Variants in KCNK12 observed in about 807,000 individuals in gnomAD.
KCNK12 encodes the protein potassium channel subfamily K member 12.
Under a neutral mutation model 25.3 loss-of-function variants are expected in KCNK12, and 6 were observed. The observed-to-expected ratio is 0.24, with a 90% CI of 0.13 to 0.47. The LOEUF (loss-of-function observed/expected upper bound fraction) is 0.47, where lower values mean the gene tolerates loss of function less well. KCNK12 is among the 20% of genes least tolerant of loss of function. The probability of loss-of-function intolerance (pLI) is 0.99; values close to 1 mark genes in which losing one functional copy is unlikely to be tolerated. For synonymous variants in KCNK12, 331 were observed against 311.1 expected, an observed-to-expected ratio of 1.06 and a Z score of -0.67; for missense variants, 444 against 661.7, an observed-to-expected ratio of 0.67 and a Z score of 3.61.
At position 47,548,965 on chromosome 2, in the gene KCNK12, G is replaced by C. The variant is rs933292173; in HGVS notation, c.391+20976C>G. ...GAGAGGAAGGAACCATCAAGAAAAAGGACTCCAGAAATCTACTAGGGGTCC... is the reference window on the plus strand; with the variant it reads ...GAGAGGAAGGAACCATCAAGAAAAACGACTCCAGAAATCTACTAGGGGTCC... On this transcript the variant is annotated intron_variant, in intron 1 of 1. Transcript: ENST00000327876. This position sits in a 1 kb window ranked among gnomAD's most constrained non-coding sequence, Gnocchi z 4.4. Among the ~76,000 whole-genome samples, 3 of 152,154 alleles carry C rather than the reference G, an allele frequency of 2.0e-5. No homozygotes were observed. Among genetic ancestry groups the C allele is most frequent in the Non-Finnish European group, 4.4e-5 (3 of 68,030 alleles).
chr2:47,536,701 A>G (rs1669076056), intron 1 of KCNK12, among the ~76,000 whole-genome samples: 1 of 152,220 alleles, frequency 6.6e-6, no homozygotes, highest in African/African-American at 2.4e-5. Flanking sequence ...GTCAGAGGGT[A>G]TCAAAGAGGG....
chr2:47,550,312 G>C (rs548802326), intron 1 of KCNK12, among the ~76,000 whole-genome samples: 1 of 147,962 alleles, frequency 6.8e-6, no homozygotes, highest in Admixed American at 6.7e-5. Context: ...GGAATGAAGA[G>C]AAATCTTAAC....
rs2104901404 is a variant in KCNK12 at position 47,566,266 on chromosome 2, C to T, written c.391+3675G>A. ...TGTTCAAACCAAATATCAGGACAAA[C>T]ATTCTACTTCATTGTGGTGTTCCAT... On this transcript the variant is annotated intron_variant, in intron 1 of 1. Transcript: ENST00000327876. This position sits in a 1 kb window ranked among gnomAD's most constrained non-coding sequence, Gnocchi z 4.1. The T allele has an allele frequency of 6.6e-6, 1 of 152,292 alleles. No individual in the cohort carries two copies. The allele number at this position is 152,292 out of a possible 1,614,324, so 9.4% of individuals were successfully genotyped here. A position where few individuals can be genotyped will look rare whatever the true frequency, so the allele number is the denominator to read the frequency against.
At position 47,525,223 on chromosome 2, in the gene KCNK12, G is replaced by A. The variant is rs900981458; in HGVS notation, c.392-3415C>T. Among the ~76,000 whole-genome samples, 3 of 152,234 alleles carry A rather than the reference G, an allele frequency of 2.0e-5. No individual in the cohort carries two copies. The highest frequency in any genetic ancestry group is 7.2e-5 in the African/African-American group (3 of 41,464). On this transcript the variant is annotated intron_variant, in intron 1 of 1. Coordinates refer to ENST00000327876, the MANE Select transcript of KCNK12 (RefSeq NM_022055.2). This position sits in a 1 kb window ranked among gnomAD's most constrained non-coding sequence, Gnocchi z 4.1. ...CACCTCCAGGCTGTACGGAAAGGCT[G>A]GGGATTGATGGGATCTTCCATCAGT...
At chr2:47,542,284 G>A (rs562670539) in intron 1 of KCNK12, among the ~76,000 whole-genome samples, 3 of 152,250 alleles carry the variant, frequency 2.0e-5, no homozygotes, top group South Asian at 2.1e-4. Flanking sequence ...ATGCTCAGAC[G>A]CAGGGACCGA....
In KCNK12 at chr2:47,514,251, C is replaced by T. The variant is rs1011687305; in HGVS notation, c.*6656G>A. ...TGAGAGCCTTCTCTGCCTACCCAGGCTGGGTGGCTGCCTCTCTTTGGTGTG... is the reference window on the plus strand; with the variant it reads ...TGAGAGCCTTCTCTGCCTACCCAGGTTGGGTGGCTGCCTCTCTTTGGTGTG... On this transcript the variant is annotated 3_prime_UTR_variant, in exon 2 of 2. Transcript: ENST00000327876. This position sits in a 1 kb window ranked among gnomAD's most constrained non-coding sequence, Gnocchi z 5.0. 6.6e-6 allele frequency among the ~76,000 whole-genome samples: 1 copy of T among 152,252 alleles called. No individual in the cohort carries two copies. The highest frequency in any genetic ancestry group is 1.5e-5 in the Non-Finnish European group (1 of 68,054).
Position 47,570,353 on chromosome 2 carries a change from GC to G in KCNK12, c.-23del. ...ACATGGTCCGGAGCTCAGCCCCGGGGCCGGGGCGGCGCTCGGGGCCCGGGCC... is the reference window on the plus strand; with the variant it reads ...ACATGGTCCGGAGCTCAGCCCCGGGGCGGGGCGGCGCTCGGGGCCCGGGCC... On this transcript the variant is annotated 5_prime_UTR_variant, in exon 1 of 2. The change abolishes the stop of an existing upstream ORF in the 5' untranslated region. Transcript: ENST00000327876. 1 of 1,227,220 alleles carries G rather than the reference GC, an allele frequency of 8.1e-7. No individual in the cohort carries two copies. Among genetic ancestry groups the G allele is most frequent in the Non-Finnish European group, 1.0e-6 (1 of 985,976 alleles). 76.0% of individuals were successfully genotyped at this position (1,227,220 alleles called of 1,614,324 possible). A position where few individuals can be genotyped will look rare whatever the true frequency, so the allele number is the denominator to read the frequency against.
At chr2:47,526,470 G>A (rs1668780025) in intron 1 of KCNK12, among the ~76,000 whole-genome samples, 1 of 150,730 alleles carries the variant, frequency 6.6e-6, no homozygotes, top group Non-Finnish European at 1.5e-5. Flanking sequence ...GGTGGCTCAC[G>A]CCTGTAATCC....
chr2:47,541,976 T>G (rs1181689050), intron 1 of KCNK12, among the ~76,000 whole-genome samples: 1 of 152,186 alleles, frequency 6.6e-6, no homozygotes. Flanking sequence ...TTCTGTTTTC[T>G]GTAGCAGCAG....
At position 47,566,717 on chromosome 2, in the gene KCNK12, C is replaced by G. The variant is rs1281136838; in HGVS notation, c.391+3224G>C. On this transcript the variant is annotated intron_variant, in intron 1 of 1. Transcript: ENST00000327876. The surrounding 1 kb of genome is among the most constrained non-coding windows in gnomAD (Gnocchi z 4.1). ...CCCTGGTTACACACACATACACTCTCTCTCACACTCAGACAGACAGACATT... is the reference window on the plus strand; with the variant it reads ...CCCTGGTTACACACACATACACTCTGTCTCACACTCAGACAGACAGACATT... 4 of 152,170 alleles carry G rather than the reference C, an allele frequency of 2.6e-5. No individual in the cohort carries two copies. The highest frequency in any genetic ancestry group is 9.7e-5 in the African/African-American group (4 of 41,434). The allele number at this position is 152,170 out of a possible 1,614,324, so 9.4% of individuals were successfully genotyped here.
At position 47,569,983 on chromosome 2, in the gene KCNK12, G is replaced by C; in HGVS notation, c.349C>G (p.Pro117Ala). 1 of 1,435,410 alleles carries C rather than the reference G, an allele frequency of 7.0e-7. No homozygotes were observed. The highest frequency in any genetic ancestry group is 9.1e-7 in the Non-Finnish European group (1 of 1,095,584). 88.9% of individuals were successfully genotyped at this position (1,435,410 alleles called of 1,614,324 possible). ...ADALRPRWDF[P>A]GAFYFVGTVV... is the part of the protein sequence containing the mutation. ...GTGCCCACGAAGTAGAAGGCGCCGG[G>C]GAAGTCCCAGCGCGGGCGCAGCGCG... Residue 117 changes from proline to alanine, a missense_variant, in exon 1 of 2, where the codon CCC (proline) becomes GCC (alanine). Transcript: ENST00000327876. The surrounding 1 kb of genome is among the most constrained non-coding windows in gnomAD (Gnocchi z 4.1).
chr2:47,530,378 CTCAGGGCTGCACATG>C (rs1246206416), intron 1 of KCNK12, among the ~76,000 whole-genome samples: 1 of 152,162 alleles, frequency 6.6e-6, no homozygotes, highest in Non-Finnish European at 1.5e-5. Flanking sequence ...GCCCTGGTAC[CTCAGGGCTGCACATG>C]TCAGCCATCT....
chr2:47,545,927 T>TC (rs1412784630), intron 1 of KCNK12, among the ~76,000 whole-genome samples: 1 of 152,078 alleles, frequency 6.6e-6, no homozygotes, highest in Non-Finnish European at 1.5e-5. Context: ...TTTTTTTTTT[T>TC]TCTCAAATAA....
chr2:47,533,409 A>T lies in KCNK12; in HGVS notation c.392-11601T>A, dbSNP rs940112444. On this transcript the variant is annotated intron_variant, in intron 1 of 1. Transcript: ENST00000327876. The surrounding 1 kb of genome is among the most constrained non-coding windows in gnomAD (Gnocchi z 4.7). The stretch of plus-strand genomic sequence containing the variant: ...GGGACATAGTAAGCTCCCCAAAAGC[A>T]CCAAGCTTAGCTGGGAAGCACGATG... 4.6e-5 allele frequency among the ~76,000 whole-genome samples: 7 copies of T among 152,190 alleles called. No individual in the cohort carries two copies. The highest frequency in any genetic ancestry group is 1.7e-4 in the African/African-American group (7 of 41,450).
Position 47,515,882 on chromosome 2 carries a change from G to T in KCNK12, c.*5025C>A, listed in dbSNP as rs1442312987. ...ACTTCATCCCCAGCTGACACTGTGGGAAGGACCCCATGCAGAAGCAATAGG... is the reference window on the plus strand; with the variant it reads ...ACTTCATCCCCAGCTGACACTGTGGTAAGGACCCCATGCAGAAGCAATAGG... On this transcript the variant is annotated 3_prime_UTR_variant, in exon 2 of 2. Transcript: ENST00000327876. 3.9e-5 allele frequency among the ~76,000 whole-genome samples: 6 copies of T among 152,204 alleles called. No homozygotes were observed. The highest frequency in any genetic ancestry group is 7.3e-5 in the Non-Finnish European group (5 of 68,032).
In KCNK12 at chr2:47,556,935, G is replaced by A. The variant is rs764726414; in HGVS notation, c.391+13006C>T. ...GTAATAGCAAGGACATACATAGATAGAACCAAATGACCTGCTGGGGTGGGA... is the reference window on the plus strand; with the variant it reads ...GTAATAGCAAGGACATACATAGATAAAACCAAATGACCTGCTGGGGTGGGA... On this transcript the variant is annotated intron_variant, in intron 1 of 1. Transcript: ENST00000327876. This position sits in a 1 kb window ranked among gnomAD's most constrained non-coding sequence, Gnocchi z 4.8. 1.1e-4 allele frequency among the ~76,000 whole-genome samples: 16 copies of A among 152,186 alleles called. No individual in the cohort carries two copies. Among genetic ancestry groups the A allele is most frequent in the Non-Finnish European group, 1.9e-4 (13 of 68,038 alleles).
chr2:47,544,597 G>C (rs1669273336), intron 1 of KCNK12, among the ~76,000 whole-genome samples: 2 of 152,310 alleles, frequency 1.3e-5, no homozygotes, highest in South Asian at 4.1e-4. Flanking sequence ...GCAGATGTAG[G>C]CTCAGTATGA....
intron 1 of KCNK12, chr2:47,564,482 A>G (rs1030130028): frequency 4.5e-6 from 1 of 220,064 alleles, no homozygotes; most frequent in South Asian, 1.8e-4. Flanking sequence ...CAGAACATCA[A>G]CTAGATGGAA....
intron 1 of KCNK12, among the ~76,000 whole-genome samples, chr2:47,522,677 C>T (rs2104728854): frequency 6.6e-6 from 1 of 152,308 alleles, no homozygotes; most frequent in South Asian, 2.1e-4. Flanking sequence ...GAGAAAGGAC[C>T]ATATTTTCTT....
Sources: gnomAD v4.1 joint callset for allele counts (sites outside exome capture counted in the v4.1 genomes callset) on GRCh38, gnomAD v4.1.1 for gene constraint, Gnocchi (gnomAD v3.1) non-coding constraint, MANE v1.5 for transcripts, NCBI Gene and HGNC (gene_info 2026-07-23, HGNC 2026-07-21) for gene names.